Variants in PCYOX1 observed in about 807,000 individuals in gnomAD.
PCYOX1 encodes the protein prenylcysteine oxidase 1.
A neutral mutation model predicts 46.4 loss-of-function variants in PCYOX1; 46 were observed. The ratio of observed to expected loss-of-function variants is 0.99; its 90% CI spans 0.78 to 1.27. PCYOX1 has a LOEUF of 1.27. Ranked by LOEUF, PCYOX1 falls within the 50% of genes most tolerant of loss-of-function variation. The pLI, the probability that PCYOX1 is intolerant of heterozygous loss-of-function variation, is 0.00. For missense variants in PCYOX1, 658 were observed against 628.3 expected (o/e 1.05, Z -0.51); for synonymous variants, 220 against 231.8 (o/e 0.95, Z 0.46).
rs747060578 is a variant in PCYOX1 at position 70,275,633 on chromosome 2, T to C, written c.826T>C (p.Tyr276His). 1.4e-5 allele frequency: 22 copies of C among 1,614,044 alleles called. No homozygotes were observed. The highest frequency in any genetic ancestry group is 1.9e-5 in the Non-Finnish European group (22 of 1,180,004). The change falls in exon 5 of 6, where the codon TAC (tyrosine) becomes CAC (histidine). Residue 276 changes from tyrosine (Y) to histidine (H), a missense_variant. By Grantham distance (83) the Tyr-to-His change is moderately conservative. Transcript: ENST00000433351. ...CAATCTTATATCTGGCTCAGTAATG[T>C]ACATCGAGGAGAAAACAAAGACCAA... ...KSNLISGSVM[Y>H]IEEKTKTKYT...
Position 70,275,072 on chromosome 2 carries a change from T to G in PCYOX1, c.608T>G (p.Leu203Trp), listed in dbSNP as rs1696651131. ...GMLNRTLLETLQKAGFSEKFL... is the reference protein window; with the variant it reads ...GMLNRTLLETWQKAGFSEKFL... ...CTTAATCGAACACTTCTTGAAACCTTGCAAAAGGCCGGCTTTTCTGAGAAG... is the reference window on the plus strand; with the variant it reads ...CTTAATCGAACACTTCTTGAAACCTGGCAAAAGGCCGGCTTTTCTGAGAAG... Residue 203 changes from leucine (L) to tryptophan (W), a missense_variant, in exon 4 of 6, where the codon TTG (leucine) becomes TGG (tryptophan). Coordinates refer to ENST00000433351, the MANE Select transcript of PCYOX1 (RefSeq NM_016297.4). 1 of 1,614,030 alleles carries G rather than the reference T, an allele frequency of 6.2e-7. No individual in the cohort carries two copies. Among genetic ancestry groups the G allele is most frequent in the Non-Finnish European group, 8.5e-7 (1 of 1,179,958 alleles).
intron 3 of PCYOX1, among the ~76,000 whole-genome samples, chr2:70,270,791 A>G (rs1696591213): frequency 6.7e-6 from 1 of 150,002 alleles, no homozygotes; most frequent in Non-Finnish European, 1.5e-5. Flanking sequence ...TTCTTTTGAG[A>G]TGGAGTCTGT....
chr2:70,269,323 A>G (rs944809124), intron 3 of PCYOX1, among the ~76,000 whole-genome samples: 26 of 147,748 alleles, frequency 1.8e-4, no homozygotes, highest in African/African-American at 6.5e-4. Context: ...GTGCACTACC[A>G]TGCCCAGCTA....
intron 3 of PCYOX1, among the ~76,000 whole-genome samples, chr2:70,271,073 GT>G (rs567430193): frequency 6.6e-6 from 1 of 151,046 alleles, no homozygotes; most frequent in African/African-American, 2.4e-5. Flanking sequence ...TTTTGTTTTT[GT>G]TTTTTTTAAG....
At chr2:70,274,151 C>T (rs78003139) in intron 3 of PCYOX1, among the ~76,000 whole-genome samples, 2,251 of 151,314 alleles carry the variant, frequency 0.015, 24 homozygotes, top group Middle Eastern at 0.031. Context: ...GTGATTGAGC[C>T]TTATACTTGC....
chr2:70,268,510 G>A (rs1181968923), intron 3 of PCYOX1, among the ~76,000 whole-genome samples: 1 of 152,074 alleles, frequency 6.6e-6, no homozygotes, highest in Non-Finnish European at 1.5e-5. Flanking sequence ...CTTTAGCGTA[G>A]ACCCTAAAAC....
rs976795115 is a variant in PCYOX1 at position 70,258,173 on chromosome 2, C to A, written c.9C>A (p.Arg3=). The A allele has an allele frequency of 6.3e-7, 1 of 1,595,050 alleles. No individual in the cohort carries two copies. The highest frequency in any genetic ancestry group is 8.5e-7 in the Non-Finnish European group (1 of 1,175,802). Residue 3 remains arginine (R), a synonymous_variant, in exon 1 of 6, where the codon CGC becomes CGA. Transcript: ENST00000433351. MG[R]VVAELVSSLL... is the part of the protein sequence containing the mutation. ...CAGAGCTTGTGGAGGCCATGGGGCGCGTCGTCGCGGAGCTCGTCTCCTCGC... is the reference window on the plus strand; with the variant it reads ...CAGAGCTTGTGGAGGCCATGGGGCGAGTCGTCGCGGAGCTCGTCTCCTCGC...
In PCYOX1 at chr2:70,258,148, C is replaced by G. The variant is rs777519589; in HGVS notation, c.-17C>G. On this transcript the variant is annotated 5_prime_UTR_variant, in exon 1 of 6. Coordinates refer to ENST00000433351, the MANE Select transcript of PCYOX1 (RefSeq NM_016297.4). ...ACTGCGGGGCTCTTGAGGCCAGCTG[C>G]AGAGCTTGTGGAGGCCATGGGGCGC... is the stretch of plus-strand genomic sequence containing the variant. The G allele has an allele frequency of 1.9e-6, 3 of 1,578,418 alleles. No individual in the cohort carries two copies. The East Asian group carries it at 7.0e-5, about 37-fold the overall frequency.
At position 70,275,035 on chromosome 2, in the gene PCYOX1, T is replaced by C. The variant is rs1553474079; in HGVS notation, c.571T>C (p.Phe191Leu). 1.2e-6 allele frequency: 2 copies of C among 1,613,656 alleles called. No homozygotes were observed. The highest frequency in any genetic ancestry group is 1.7e-5 in the Admixed American group (1 of 60,024). ...ACTTCATGCTCTAGGAGGAGATGAC[T>C]TCCTTGGAATGCTTAATCGAACACT... ...KLLHALGGDDFLGMLNRTLLE... is the reference protein window; with the variant it reads ...KLLHALGGDDLLGMLNRTLLE... Residue 191 changes from phenylalanine (F) to leucine (L), a missense_variant, in exon 4 of 6, where the codon TTC becomes CTC. Physicochemically the swap from Phe to Leu is conservative, Grantham distance 22 (BLOSUM62 0). Transcript: ENST00000433351.
intron 3 of PCYOX1, among the ~76,000 whole-genome samples, chr2:70,269,128 A>G (rs1696567297): frequency 6.7e-6 from 1 of 149,672 alleles, no homozygotes; most frequent in East Asian, 2.0e-4. Flanking sequence ...GATCATATTC[A>G]TGAAGGTTTA....
Position 70,275,034 on chromosome 2 carries a change from CT to C in PCYOX1, c.572del (p.Phe191SerfsTer26). On this transcript the variant is annotated frameshift_variant, in exon 4 of 6. Coordinates refer to ENST00000433351, the MANE Select transcript of PCYOX1 (RefSeq NM_016297.4). LOFTEE classifies it high-confidence loss of function. ...KLLHALGGDD[F>X]LGMLNRTLLE... is the part of the protein sequence containing the mutation. ...TACTTCATGCTCTAGGAGGAGATGA[CT>C]TCCTTGGAATGCTTAATCGAACACT... 6.2e-7 allele frequency: 1 copy of C among 1,613,604 alleles called. No individual in the cohort carries two copies. Among genetic ancestry groups the C allele is most frequent in the Non-Finnish European group, 8.5e-7 (1 of 1,179,470 alleles).
In PCYOX1 at chr2:70,272,792, G is replaced by A. The variant is rs115938213; in HGVS notation, c.495-2167G>A. Among the ~76,000 whole-genome samples the A allele has an allele frequency of 4.9e-3, 750 of 152,056 alleles. 8 individuals are homozygous for A. The highest frequency in any genetic ancestry group is 0.017 in the African/African-American group (711 of 41,456). The stretch of plus-strand genomic sequence containing the variant: ...TGACTTACTGCAACCTCTGTCTCCT[G>A]GGTCAAGCAATTCTCATGCCTCAGC... On this transcript the variant is annotated intron_variant, in intron 3 of 5. Coordinates refer to ENST00000433351, the MANE Select transcript of PCYOX1 (RefSeq NM_016297.4).
At chr2:70,267,867 A>G (rs1476556561) in intron 3 of PCYOX1, among the ~76,000 whole-genome samples, 1 of 152,100 alleles carries the variant, frequency 6.6e-6, no homozygotes, top group African/African-American at 2.4e-5. Context: ...GCTGGAGTGC[A>G]GTGGCACAAT....
rs749351025 is a variant in PCYOX1 at position 70,277,366 on chromosome 2, T to C, written c.1492T>C (p.Tyr498His). The part of the protein sequence containing the change: ...HTDMIDQDGL[Y>H]EKLKTEL The stretch of plus-strand genomic sequence containing the variant: ...AGACATGATTGATCAGGATGGCTTA[T>C]ATGAGAAACTTAAAACTGAACTATG... Residue 498 changes from tyrosine to histidine, a missense_variant, in exon 6 of 6, where the codon TAT becomes CAT. By Grantham distance (83) the Tyr-to-His change is moderately conservative. Coordinates refer to ENST00000433351, the MANE Select transcript of PCYOX1 (RefSeq NM_016297.4). 13 of 1,600,816 alleles carry C rather than the reference T, an allele frequency of 8.1e-6. No individual in the cohort carries two copies. In the Admixed American group the frequency reaches 2.2e-4, roughly 27 times the overall value.
Position 70,261,310 on chromosome 2 carries a change from A to T in PCYOX1, c.418A>T (p.Lys140Ter), listed in dbSNP as rs780099500. ...CAACTGGTTCATAATTAACGTGATT[A>T]AATTAGTTTGGCGCTATGGATTTCA... The part of the protein sequence containing the change: ...ESNWFIINVI[K>*]LVWRYGFQSL... Residue 140 changes from lysine (K) to a stop codon, truncating the protein, a stop_gained, in exon 3 of 6, where the codon AAA becomes TAA. Transcript: ENST00000433351. LOFTEE classifies it high-confidence loss of function. The T allele has an allele frequency of 6.2e-7, 1 of 1,611,372 alleles. No individual in the cohort carries two copies. Among genetic ancestry groups the T allele is most frequent in the South Asian group, 1.1e-5 (1 of 91,032 alleles).
chr2:70,265,317 C>G (rs1696498605), intron 3 of PCYOX1, among the ~76,000 whole-genome samples: 1 of 151,398 alleles, frequency 6.6e-6, no homozygotes, highest in Non-Finnish European at 1.5e-5. Context: ...ATCTTCCAGC[C>G]TCAGCTGGGA....
rs1696720182 is a variant in PCYOX1 at position 70,278,722 on chromosome 2, C to T, written c.*1330C>T. On this transcript the variant is annotated 3_prime_UTR_variant, in exon 6 of 6. Transcript: ENST00000433351. ...AATCACCTGTAGGGTTTTAAAGCAT[C>T]CAAATGGTAATTAACAGGCAGCAAA... The T allele has an allele frequency of 6.6e-6, 1 of 152,144 alleles. No individual in the cohort carries two copies. The highest frequency in any genetic ancestry group is 2.1e-4 in the South Asian group (1 of 4,826). 9.4% of individuals were successfully genotyped at this position (152,144 alleles called of 1,614,324 possible).
intron 5 of PCYOX1, among the ~76,000 whole-genome samples, chr2:70,276,122 AT>A (rs1210887769): frequency 7.1e-6 from 1 of 140,260 alleles, no homozygotes; most frequent in African/African-American, 2.5e-5. Context: ...AAAAAAAAAA[AT>A]TCCCCAGTGT....
At chr2:70,263,003 G>A (rs1009922938) in intron 3 of PCYOX1, among the ~76,000 whole-genome samples, 1 of 152,162 alleles carries the variant, frequency 6.6e-6, no homozygotes, top group Non-Finnish European at 1.5e-5. Context: ...GGAGGCTGAG[G>A]CTGGTGGATC....
Sources: allele counts gnomAD v4.1 joint callset (sites outside exome capture counted in the v4.1 genomes callset), GRCh38; gene constraint gnomAD v4.1.1; transcripts MANE v1.5; gene names NCBI Gene and HGNC (gene_info 2026-07-23, HGNC 2026-07-21).